ADAM23: variants seen among roughly 807,000 people sequenced by gnomAD.
The protein encoded by ADAM23 is ADAM metallopeptidase domain 23.
Under a neutral mutation model 120.1 loss-of-function variants are expected in ADAM23, and 33 were observed. That is an observed-to-expected ratio of 0.27 (90% CI 0.21 to 0.37). ADAM23 has a LOEUF of 0.37. Among genes scored for constraint, ADAM23 ranks in the 10% least tolerant of loss-of-function variants. The pLI, the probability that ADAM23 is intolerant of heterozygous loss-of-function variation, is 1.00. For missense variants in ADAM23, 862 were observed against 1,058.2 expected (o/e 0.81, Z 2.57); for synonymous variants, 367 against 375.2 (o/e 0.98, Z 0.25).
At chr2:206,581,661 A>G (rs1400510358) in intron 18 of ADAM23, among the ~76,000 whole-genome samples, 2 of 152,172 alleles carry the variant, frequency 1.3e-5, no homozygotes, top group Non-Finnish European at 2.9e-5. Context: ...TCTTGGAGAA[A>G]GTTCCATGCA....
chr2:206,562,939 A>T (rs751273760), intron 13 of ADAM23, among the ~76,000 whole-genome samples: 1 of 152,168 alleles, frequency 6.6e-6, no homozygotes, highest in Non-Finnish European at 1.5e-5. Flanking sequence ...ATCAGATGAG[A>T]GGTAGATAGG....
chr2:206,525,065 G>C (rs116251891), intron 3 of ADAM23, among the ~76,000 whole-genome samples: 2,236 of 152,252 alleles, frequency 0.015, 53 homozygotes, highest in African/African-American at 0.05. Flanking sequence ...CCTGGTTTAT[G>C]TATGTCTGTT....
intron 4 of ADAM23, among the ~76,000 whole-genome samples, chr2:206,533,449 C>T (rs1398189872): frequency 3.3e-5 from 5 of 152,186 alleles, no homozygotes; most frequent in Non-Finnish European, 5.9e-5. Flanking sequence ...GTGATCCACC[C>T]GCCTCAGCCT....
Position 206,594,876 on chromosome 2 carries a change from T to G in ADAM23, c.2218T>G (p.Ser740Ala), listed in dbSNP as rs1365948276. Residue 740 changes from serine (S) to alanine (A), a missense_variant, in exon 23 of 26, where the codon TCC (serine) becomes GCC (alanine). Transcript: ENST00000264377. ...ALNMSSCPLD[S>A]KGKVCSGHGV... ...AAATATGAGCAGCTGTCCACTCGATTCCAAGGGTAAAGTCTGTTCGGGCCA... is the reference window on the plus strand; with the variant it reads ...AAATATGAGCAGCTGTCCACTCGATGCCAAGGGTAAAGTCTGTTCGGGCCA... 3 of 1,614,006 alleles carry G rather than the reference T, an allele frequency of 1.9e-6. No individual in the cohort carries two copies. In the South Asian group the frequency reaches 3.3e-5, roughly 18 times the overall value.
intron 2 of ADAM23, among the ~76,000 whole-genome samples, chr2:206,453,699 G>C (rs1695241051): frequency 6.6e-6 from 1 of 152,222 alleles, no homozygotes; most frequent in South Asian, 2.1e-4. Flanking sequence ...AAACAATCAT[G>C]TTAATTCATG....
At chr2:206,496,472 A>T (rs1329955527) in intron 3 of ADAM23, among the ~76,000 whole-genome samples, 3 of 152,044 alleles carry the variant, frequency 2.0e-5, no homozygotes, top group Non-Finnish European at 2.9e-5. Flanking sequence ...AGACACAAAA[A>T]ACCAGAATCT....
At chr2:206,509,598 G>A (rs1338600390) in intron 3 of ADAM23, among the ~76,000 whole-genome samples, 1 of 152,048 alleles carries the variant, frequency 6.6e-6, no homozygotes, top group Non-Finnish European at 1.5e-5. Context: ...ACAGGCATGC[G>A]CCATCACGCC....
intron 3 of ADAM23, among the ~76,000 whole-genome samples, chr2:206,505,965 G>T (rs1291462713): frequency 6.6e-6 from 1 of 152,168 alleles, no homozygotes; most frequent in Non-Finnish European, 1.5e-5. Flanking sequence ...AGAGAATGTG[G>T]GATTTTTGTG....
At chr2:206,509,488 A>T (rs1394022531) in intron 3 of ADAM23, among the ~76,000 whole-genome samples, 3 of 151,930 alleles carry the variant, frequency 2.0e-5, no homozygotes, top group African/African-American at 7.3e-5. Context: ...TCGCTCTGTC[A>T]CCCAGGCTGG....
At position 206,557,430 on chromosome 2, in the gene ADAM23, A is replaced by G; in HGVS notation, c.937A>G (p.Lys313Glu). 2 of 1,612,822 alleles carry G rather than the reference A, an allele frequency of 1.2e-6. No individual in the cohort carries two copies. Among genetic ancestry groups the G allele is most frequent in the Non-Finnish European group, 1.7e-6 (2 of 1,178,862 alleles). Residue 313 changes from lysine (K) to glutamate (E), a missense_variant, in exon 10 of 26, where the codon AAG becomes GAG. Transcript: ENST00000264377. ...LMIVNDHKTY[K>E]KHRSSHAHTN... ...CTGGTATGTATTTCCCCCCTAGTAT[A>G]AGAAGCATCGCTCTTCTCATGCACA...
chr2:206,595,977 G>T (rs1023482995), intron 23 of ADAM23, 74 bp from the exon 24 acceptor site: 2 of 1,187,798 alleles, frequency 1.7e-6, no homozygotes, highest in African/African-American at 3.1e-5. Context: ...CTGCCCCCGT[G>T]TCTCTTTTAC....
At chr2:206,485,550 G>A (rs532339615) in intron 3 of ADAM23, among the ~76,000 whole-genome samples, 5 of 152,304 alleles carry the variant, frequency 3.3e-5, no homozygotes, top group African/African-American at 1.2e-4. Context: ...AGCTTGTGAG[G>A]ACTAACCTGA....
In ADAM23 at chr2:206,566,374, A is replaced by G. The variant is rs529289856; in HGVS notation, c.1395-849A>G. On this transcript the variant is annotated intron_variant, in intron 14 of 25. Coordinates refer to ENST00000264377, the MANE Select transcript of ADAM23 (RefSeq NM_003812.4). ...TTCATACATCAGAATGCATAAAATT[A>G]TTGAATTACTTCCTAGAATAAGTGG... 2.0e-5 allele frequency among the ~76,000 whole-genome samples: 3 copies of G among 152,264 alleles called. No homozygotes were observed. The East Asian group carries it at 5.8e-4, about 29-fold the overall frequency.
At chr2:206,557,892 G>A (rs1697678212) in intron 10 of ADAM23, among the ~76,000 whole-genome samples, 2 of 152,120 alleles carry the variant, frequency 1.3e-5, no homozygotes, top group Non-Finnish European at 2.9e-5. Flanking sequence ...TTGAAGCAGA[G>A]TATGTTTGGA....
chr2:206,561,228 TA>T lies in ADAM23; in HGVS notation c.1254+17del, dbSNP rs748344100. Reference sequence around the variant, plus strand: ...TGTGAATGAGGTAAATTTTACCAATTAGAGTTTCATCTTTGCATCTGTTCTC... The same window carrying T: ...TGTGAATGAGGTAAATTTTACCAATTGAGTTTCATCTTTGCATCTGTTCTC... On this transcript the variant is annotated intron_variant, in intron 12 of 25. Coordinates refer to ENST00000264377, the MANE Select transcript of ADAM23 (RefSeq NM_003812.4). 6.2e-7 allele frequency: 1 copy of T among 1,604,280 alleles called. No individual in the cohort carries two copies. The highest frequency in any genetic ancestry group is 2.2e-5 in the East Asian group (1 of 44,820).
intron 18 of ADAM23, among the ~76,000 whole-genome samples, chr2:206,583,323 G>A: frequency 6.6e-6 from 1 of 152,018 alleles, no homozygotes; most frequent in East Asian, 1.9e-4. Context: ...GCGTGGTAAC[G>A]AGCGCCTATA....
chr2:206,560,152 T>C (rs376976467), intron 11 of ADAM23, 34 bp downstream of exon 11: 65 of 1,586,044 alleles, frequency 4.1e-5, no homozygotes, highest in African/African-American at 6.7e-5. Context: ...GTGTAGTCTT[T>C]GGTCTGACAT....
At chr2:206,512,142 A>G (rs1179170449) in intron 3 of ADAM23, among the ~76,000 whole-genome samples, 1 of 152,236 alleles carries the variant, frequency 6.6e-6, no homozygotes, top group Non-Finnish European at 1.5e-5. Context: ...TAGAATTCAC[A>G]TAAAAGAGAT....
chr2:206,548,237 T>G (rs771621726), intron 7 of ADAM23, 44 bp from the exon 8 acceptor site: 72 of 1,557,704 alleles, frequency 4.6e-5, no homozygotes, highest in Non-Finnish European at 5.8e-5. Context: ...ATACTCCCAT[T>G]GAAATAAGCA....
Sources: gnomAD v4.1 joint callset for allele counts (sites outside exome capture counted in the v4.1 genomes callset) on GRCh38, gnomAD v4.1.1 for gene constraint, MANE v1.5 for transcripts, NCBI Gene and HGNC (gene_info 2026-07-23, HGNC 2026-07-21) for gene names.